The following ZNF385D variants were observed in gnomAD, a reference collection of about 807,000 sequenced individuals.
ZNF385D encodes the protein zinc finger protein 385D.
In ZNF385D, 15 loss-of-function variants were observed where a neutral mutation model predicts 35.8. The ratio of observed to expected loss-of-function variants is 0.42; its 90% CI spans 0.28 to 0.64. The LOEUF is 0.64. Ranked by LOEUF, ZNF385D falls within the 30% of genes least tolerant of loss-of-function variation. The probability of loss-of-function intolerance (pLI) is 0.23; values close to 1 mark genes in which losing one functional copy is unlikely to be tolerated. For missense variants in ZNF385D, 474 were observed against 494.6 expected, an observed-to-expected ratio of 0.96 and a Z score of 0.39; for synonymous variants, 212 against 186.8, an observed-to-expected ratio of 1.13 and a Z score of -1.10.
chr3:21,789,686 G>C (rs1411557734), intron 3 of ZNF385D, among the ~76,000 whole-genome samples: 4 of 151,888 alleles, frequency 2.6e-5, no homozygotes, highest in Admixed American at 2.6e-4. Flanking sequence ...CCTGTATTTA[G>C]AAAATTCCTG....
At chr3:22,318,907 A>T (rs1055660822) in intron 2 of ZNF385D, among the ~76,000 whole-genome samples, 3 of 152,196 alleles carry the variant, frequency 2.0e-5, no homozygotes, top group Admixed American at 2.0e-4. Flanking sequence ...GTCATATAAG[A>T]AATATTCATA....
At position 21,734,194 on chromosome 3, in the gene ZNF385D, G is replaced by C. The variant is rs182532255; in HGVS notation, c.22+16701C>G. On this transcript the variant is annotated intron_variant, in intron 1 of 7. Coordinates refer to ENST00000281523, the MANE Select transcript of ZNF385D (RefSeq NM_024697.3). The stretch of plus-strand genomic sequence containing the variant: ...AACAATCTTGTGATATTAGCGAAGA[G>C]TTTGTGAAAATACTGATTCCTGGGC... Among the ~76,000 whole-genome samples, 698 of 151,830 alleles carry C rather than the reference G, an allele frequency of 4.6e-3. 6 individuals are homozygous for C. Among genetic ancestry groups the C allele is most frequent in the African/African-American group, 0.015 (640 of 41,422 alleles).
intron 3 of ZNF385D, among the ~76,000 whole-genome samples, chr3:22,018,917 C>T (rs910029646): frequency 3.3e-5 from 5 of 151,684 alleles, no homozygotes; most frequent in Non-Finnish European, 5.9e-5. Context: ...TCTAGGCCTA[C>T]GGAGTACAGG....
chr3:22,321,273 A>G (rs1694415548), intron 2 of ZNF385D, among the ~76,000 whole-genome samples: 1 of 150,404 alleles, frequency 6.6e-6, no homozygotes, highest in African/African-American at 2.4e-5. Context: ...TGTGTAAAAC[A>G]TATTTTGTAT....
chr3:21,889,669 G>A (rs1698740405), intron 3 of ZNF385D, among the ~76,000 whole-genome samples: 1 of 152,194 alleles, frequency 6.6e-6, no homozygotes, highest in Non-Finnish European at 1.5e-5. Flanking sequence ...GAGTACTTGG[G>A]TTTAGGGGAG....
chr3:21,959,798 G>T (rs1437315677), intron 3 of ZNF385D, among the ~76,000 whole-genome samples: 1 of 152,144 alleles, frequency 6.6e-6, no homozygotes, highest in Non-Finnish European at 1.5e-5. Context: ...ATCTGACCTA[G>T]AAAGAGAAAA....
intron 3 of ZNF385D, among the ~76,000 whole-genome samples, chr3:21,825,664 G>A (rs1199213676): frequency 1.3e-5 from 2 of 152,176 alleles, no homozygotes; most frequent in Non-Finnish European, 2.9e-5. Flanking sequence ...AAGCAAGACA[G>A]AAGAGAGGGA....
intron 3 of ZNF385D, among the ~76,000 whole-genome samples, chr3:21,984,604 C>A (rs1348034727): frequency 9.9e-6 from 1 of 101,428 alleles, no homozygotes; most frequent in South Asian, 4.4e-4. Context: ...TAGTGTGATG[C>A]CTCCAGCTTT....
chr3:21,735,675 T>C (rs576512840), intron 1 of ZNF385D, among the ~76,000 whole-genome samples: 1 of 152,310 alleles, frequency 6.6e-6, no homozygotes, highest in East Asian at 1.9e-4. Flanking sequence ...AGTGCAGTGA[T>C]TGACCGCTTT....
intron 2 of ZNF385D, among the ~76,000 whole-genome samples, chr3:22,332,362 A>G (rs1434552031): frequency 6.6e-6 from 1 of 152,182 alleles, no homozygotes; most frequent in African/African-American, 2.4e-5. Flanking sequence ...TTTTCTGCAC[A>G]CAAAGAATAT....
chr3:21,948,842 T>C (rs1701920806), intron 3 of ZNF385D, among the ~76,000 whole-genome samples: 1 of 152,116 alleles, frequency 6.6e-6, no homozygotes, highest in Non-Finnish European at 1.5e-5. Context: ...GTATAAGAAA[T>C]CTGTCTTTGA....
intron 3 of ZNF385D, among the ~76,000 whole-genome samples, chr3:22,131,449 G>C (rs1393732233): frequency 6.6e-6 from 1 of 152,148 alleles, no homozygotes; most frequent in Non-Finnish European, 1.5e-5. Context: ...TGGGGTTGAA[G>C]TAGAGAGAAA....
At chr3:21,961,036 T>C (rs1193107265) in intron 3 of ZNF385D, among the ~76,000 whole-genome samples, 3 of 152,080 alleles carry the variant, frequency 2.0e-5, no homozygotes, top group African/African-American at 4.8e-5. Flanking sequence ...CTATAATTTA[T>C]TGTACATTTT....
chr3:22,147,150 G>A (rs1184485574), intron 3 of ZNF385D, among the ~76,000 whole-genome samples: 1 of 152,158 alleles, frequency 6.6e-6, no homozygotes, highest in Non-Finnish European at 1.5e-5. Context: ...AAGTACTAGG[G>A]ATATAGCCAT....
intron 3 of ZNF385D, among the ~76,000 whole-genome samples, chr3:21,765,732 A>C (rs62236237): frequency 3.9e-4 from 31 of 78,962 alleles, no homozygotes; most frequent in Non-Finnish European, 5.3e-4. Context: ...CAGAGAGAGA[A>C]AGAGAGAGAG....
At chr3:22,118,616 G>T (rs182811966) in intron 3 of ZNF385D, among the ~76,000 whole-genome samples, 2 of 151,644 alleles carry the variant, frequency 1.3e-5, no homozygotes, top group Admixed American at 1.3e-4. Context: ...CAATGATATC[G>T]GTAAGAGGTT....
intron 5 of ZNF385D, chr3:21,430,924 G>T (rs557380837): frequency 6.6e-6 from 1 of 152,196 alleles, no homozygotes; most frequent in African/African-American, 2.4e-5. Context: ...GCTTTTGTTT[G>T]CATTTTGTGT....
intron 2 of ZNF385D, among the ~76,000 whole-genome samples, chr3:22,324,232 G>A (rs1399184028): frequency 6.6e-6 from 1 of 152,024 alleles, no homozygotes; most frequent in Non-Finnish European, 1.5e-5. Context: ...GTAATGTTCA[G>A]CACATTATAA....
At chr3:22,032,414 C>T (rs1429872924) in intron 3 of ZNF385D, among the ~76,000 whole-genome samples, 6 of 152,176 alleles carry the variant, frequency 3.9e-5, no homozygotes, top group African/African-American at 9.6e-5. Flanking sequence ...ACTATCGGAT[C>T]TCATGAGAAC....
Sources: allele counts gnomAD v4.1 joint callset (sites outside exome capture counted in the v4.1 genomes callset), GRCh38; gene constraint gnomAD v4.1.1; transcripts MANE v1.5; gene names NCBI Gene and HGNC (gene_info 2026-07-23, HGNC 2026-07-21).